The following FSD1L variants were observed in gnomAD, a reference collection of about 807,000 sequenced individuals.
The protein encoded by FSD1L is FSD1-like protein.
In FSD1L, 45 loss-of-function variants were observed where a neutral mutation model predicts 71.6. The observed-to-expected ratio is 0.63, with a 90% CI of 0.49 to 0.81. The LOEUF is 0.81. Ranked by LOEUF, FSD1L falls within the 30% of genes least tolerant of loss-of-function variation. The probability of loss-of-function intolerance (pLI) is 0.00; values close to 1 mark genes in which losing one functional copy is unlikely to be tolerated. For synonymous variants in FSD1L, 197 were observed against 207.2 expected (o/e 0.95, Z 0.42); for missense variants, 561 against 618.1 (o/e 0.91, Z 0.98).
At chr9:105,536,097 G>C (rs1487097760) in intron 12 of FSD1L, among the ~76,000 whole-genome samples, 1 of 152,326 alleles carries the variant, frequency 6.6e-6, no homozygotes, top group South Asian at 2.1e-4. Flanking sequence ...ACAGTTCTTA[G>C]TACACTATCT....
intron 10 of FSD1L, among the ~76,000 whole-genome samples, chr9:105,515,337 T>C: frequency 6.6e-6 from 1 of 152,118 alleles, no homozygotes; most frequent in East Asian, 1.9e-4. Flanking sequence ...GTTTGCCAAA[T>C]TAAGAAAACG....
At chr9:105,520,958 G>A in intron 10 of FSD1L, 5 of 1,611,844 alleles carry the variant, frequency 3.1e-6, no homozygotes, top group Non-Finnish European at 4.2e-6. Context: ...ACCAAGAAAG[G>A]GGATTTTCAT....
At chr9:105,484,346 C>G (rs537248049) in intron 6 of FSD1L, 35 bp from the exon 7 acceptor site, 10 of 1,406,380 alleles carry the variant, frequency 7.1e-6, no homozygotes, top group Non-Finnish European at 7.4e-6. Flanking sequence ...CTTCCTATTT[C>G]TTTATTTTAA....
At position 105,551,079 on chromosome 9, in the gene FSD1L, A is replaced by G. The variant is rs1209910077; in HGVS notation, c.*4596A>G. The G allele has an allele frequency of 6.6e-6, 1 of 152,112 alleles. No homozygotes were observed. The highest frequency in any genetic ancestry group is 2.4e-5 in the African/African-American group (1 of 41,446). The allele number at this position is 152,112 out of a possible 1,614,324, so 9.4% of individuals were successfully genotyped here. On this transcript the variant is annotated 3_prime_UTR_variant, in exon 14 of 14. Transcript: ENST00000481272. Reference sequence around the variant, plus strand: ...TGTTAGTATTGGAACTTTCTGGAGAACATAAGGGCTATGAGAATGCATATA... The same window carrying G: ...TGTTAGTATTGGAACTTTCTGGAGAGCATAAGGGCTATGAGAATGCATATA...
chr9:105,518,311 G>A (rs185620880), intron 10 of FSD1L, among the ~76,000 whole-genome samples: 84 of 152,220 alleles, frequency 5.5e-4, no homozygotes, highest in African/African-American at 1.9e-3. Context: ...TCAAGCGGAC[G>A]TAATAGACAT....
rs1837281308 is a variant in FSD1L at position 105,551,941 on chromosome 9, C to G, written c.*5458C>G. 6.6e-6 allele frequency: 1 copy of G among 152,138 alleles called. No individual in the cohort carries two copies. The highest frequency in any genetic ancestry group is 1.9e-4 in the East Asian group (1 of 5,200). 9.4% of individuals were successfully genotyped at this position (152,138 alleles called of 1,614,324 possible). ...ACGGATAAATGATATAAAATGTAAC[C>G]ACTGAACATTTGACAACTTTGTTGC... On this transcript the variant is annotated 3_prime_UTR_variant, in exon 14 of 14. Transcript: ENST00000481272.
intron 13 of FSD1L, among the ~76,000 whole-genome samples, chr9:105,544,459 T>C (rs1383247846): frequency 6.6e-6 from 1 of 152,238 alleles, no homozygotes; most frequent in Non-Finnish European, 1.5e-5. Flanking sequence ...TTTTGTCTTT[T>C]GTTGCCATTG....
At chr9:105,469,120 A>G (rs542713516) in intron 4 of FSD1L, among the ~76,000 whole-genome samples, 1 of 152,340 alleles carries the variant, frequency 6.6e-6, no homozygotes, top group African/African-American at 2.4e-5. Flanking sequence ...GTGGTTGAAT[A>G]ATATTCCACT....
Position 105,513,590 on chromosome 9 carries a change from A to G in FSD1L, c.1025+654A>G, listed in dbSNP as rs894268282. ...AGTTTCTTAACAGTTGCCTGTTTTT[A>G]TCTGACAGTGTCCATGTTACTTCAC... On this transcript the variant is annotated intron_variant, in intron 10 of 13. Coordinates refer to ENST00000481272, the MANE Select transcript of FSD1L (RefSeq NM_001145313.3). 1.8e-5 allele frequency: 28 copies of G among 1,531,158 alleles called. No homozygotes were observed. In the African/African-American group the frequency reaches 2.9e-4, roughly 16 times the overall value. 94.8% of individuals were successfully genotyped at this position (1,531,158 alleles called of 1,614,324 possible). A position where few individuals can be genotyped will look rare whatever the true frequency, so the allele number is the denominator to read the frequency against.
chr9:105,520,825 C>G, intron 10 of FSD1L: 2 of 1,612,272 alleles, frequency 1.2e-6, no homozygotes, highest in South Asian at 2.2e-5. Flanking sequence ...GAAGAAATCA[C>G]TCCTCTTGTC....
At chr9:105,461,748 T>C (rs1692279206) in intron 2 of FSD1L, 133 bp downstream of exon 2, 1 of 586,506 alleles carries the variant, frequency 1.7e-6, no homozygotes, top group Non-Finnish European at 3.0e-6. Context: ...GGAGCAGGGA[T>C]CATGCCTGTA....
intron 13 of FSD1L, among the ~76,000 whole-genome samples, chr9:105,542,844 A>T (rs908112255): frequency 6.6e-6 from 1 of 152,104 alleles, no homozygotes; most frequent in Non-Finnish European, 1.5e-5. Context: ...TATGGTTTGC[A>T]TTTTCATTTT....
chr9:105,460,755 C>A (rs1332227779), intron 1 of FSD1L, among the ~76,000 whole-genome samples: 2 of 152,076 alleles, frequency 1.3e-5, no homozygotes, highest in Non-Finnish European at 2.9e-5. Flanking sequence ...TTGTTAGCTG[C>A]CAACTTTGAC....
In FSD1L at chr9:105,551,061, A is replaced by G. The variant is rs1194825597; in HGVS notation, c.*4578A>G. The stretch of plus-strand genomic sequence containing the variant: ...AGTGGTAAAACACATTTTTGTTAGT[A>G]TTGGAACTTTCTGGAGAACATAAGG... On this transcript the variant is annotated 3_prime_UTR_variant, in exon 14 of 14. Transcript: ENST00000481272. 1 of 152,064 alleles carries G rather than the reference A, an allele frequency of 6.6e-6. No homozygotes were observed. The highest frequency in any genetic ancestry group is 2.4e-5 in the African/African-American group (1 of 41,440). The allele number at this position is 152,064 out of a possible 1,614,324, so 9.4% of individuals were successfully genotyped here.
At chr9:105,514,267 T>C (rs1834566404) in intron 10 of FSD1L, among the ~76,000 whole-genome samples, 1 of 152,238 alleles carries the variant, frequency 6.6e-6, no homozygotes, top group South Asian at 2.1e-4. Flanking sequence ...GTATTATAAA[T>C]TGGAAAATGC....
intron 13 of FSD1L, among the ~76,000 whole-genome samples, chr9:105,542,005 T>C (rs981402305): frequency 6.6e-6 from 1 of 152,262 alleles, no homozygotes; most frequent in Non-Finnish European, 1.5e-5. Flanking sequence ...TATCACAGTT[T>C]ATTCATTCAT....
intron 10 of FSD1L, chr9:105,513,720 A>G (rs1834534063): frequency 1.0e-6 from 1 of 1,004,728 alleles, no homozygotes; most frequent in Non-Finnish European, 1.5e-6. Context: ...TTAACCAATA[A>G]GCAGAAGCCA....
At position 105,494,506 on chromosome 9, in the gene FSD1L, A is replaced by C. The variant is rs151218488; in HGVS notation, c.586+10004A>C. Among the ~76,000 whole-genome samples, 207 of 152,248 alleles carry C rather than the reference A, an allele frequency of 1.4e-3. 1 individual carries two copies. The highest frequency in any genetic ancestry group is 4.6e-3 in the African/African-American group (190 of 41,542). On this transcript the variant is annotated intron_variant, in intron 7 of 13. Coordinates refer to ENST00000481272, the MANE Select transcript of FSD1L (RefSeq NM_001145313.3). ...GAGGCCTTCTTCTCTCAACTCGTCA[A>C]AGTCATTCTCCATTCAGCTTTGCTC...
chr9:105,518,373 T>C (rs1381641201), intron 10 of FSD1L, among the ~76,000 whole-genome samples: 1 of 152,102 alleles, frequency 6.6e-6, no homozygotes, highest in Non-Finnish European at 1.5e-5. Context: ...TCTCAGCACC[T>C]CGTCACACTT....
Sources: allele counts gnomAD v4.1 joint callset (sites outside exome capture counted in the v4.1 genomes callset), GRCh38; gene constraint gnomAD v4.1.1; transcripts MANE v1.5; gene names NCBI Gene and HGNC (gene_info 2026-07-23, HGNC 2026-07-21).